Variants in SHC3 observed in about 807,000 individuals in gnomAD.
The protein encoded by SHC3 is SHC adaptor protein 3, also known as SHC-transforming protein 3.
A neutral mutation model predicts 60.4 loss-of-function variants in SHC3; 15 were observed. The ratio of observed to expected loss-of-function variants is 0.25; its 90% CI spans 0.17 to 0.38. The LOEUF is 0.38. Ranked by LOEUF, SHC3 falls within the 10% of genes least tolerant of loss-of-function variation. The pLI is 1.00. For missense variants in SHC3, 677 were observed against 786.1 expected (o/e 0.86, Z 1.66); for synonymous variants, 294 against 325.9 (o/e 0.90, Z 1.05).
chr9:89,037,366 G>T (rs1040787202), intron 11 of SHC3: 7 of 614,662 alleles, frequency 1.1e-5, no homozygotes, highest in South Asian at 2.1e-5. Flanking sequence ...TGGTTAGGTT[G>T]ATTTAACTGC....
chr9:89,060,951 A>C (rs974704245), intron 6 of SHC3, among the ~76,000 whole-genome samples: 2 of 152,112 alleles, frequency 1.3e-5, no homozygotes, highest in African/African-American at 4.8e-5. Context: ...TCAGGAGGAA[A>C]GTGCTGGACC....
chr9:89,165,319 A>T (rs928531704), intron 1 of SHC3, among the ~76,000 whole-genome samples: 1 of 151,878 alleles, frequency 6.6e-6, no homozygotes, highest in Non-Finnish European at 1.5e-5. Flanking sequence ...GTAGCAGATC[A>T]TTTTTGGGGA....
At chr9:89,070,174 G>C (rs1055351067) in intron 5 of SHC3, among the ~76,000 whole-genome samples, 1 of 152,120 alleles carries the variant, frequency 6.6e-6, no homozygotes, top group Admixed American at 6.5e-5. Context: ...ATAAAAGATG[G>C]CTTCTTAGGA....
chr9:89,138,704 C>G (rs1455786628), intron 1 of SHC3, among the ~76,000 whole-genome samples: 1 of 152,224 alleles, frequency 6.6e-6, no homozygotes, highest in Non-Finnish European at 1.5e-5. Context: ...TCAAATGTCT[C>G]TGACATTTCC....
At chr9:89,175,593 A>G (rs1474259296) in intron 1 of SHC3, among the ~76,000 whole-genome samples, 2 of 152,230 alleles carry the variant, frequency 1.3e-5, no homozygotes, top group Non-Finnish European at 2.9e-5. Context: ...GGGAAAATCT[A>G]TAATACAGTA....
At chr9:89,066,495 G>A (rs1035810889) in intron 5 of SHC3, among the ~76,000 whole-genome samples, 3 of 152,156 alleles carry the variant, frequency 2.0e-5, no homozygotes, top group African/African-American at 7.2e-5. Context: ...TAGGGAAAAT[G>A]ATGACCTCAA....
At chr9:89,135,572 T>C (rs1403983578) in intron 1 of SHC3, among the ~76,000 whole-genome samples, 1 of 152,154 alleles carries the variant, frequency 6.6e-6, no homozygotes, top group African/African-American at 2.4e-5. Context: ...CAGTCTGTTA[T>C]GATTTGTCTT....
At chr9:89,018,653 A>T (rs1479418774) in intron 11 of SHC3, among the ~76,000 whole-genome samples, 1 of 152,112 alleles carries the variant, frequency 6.6e-6, no homozygotes, top group Non-Finnish European at 1.5e-5. Context: ...TGTTATTTAA[A>T]AAAAACTCTT....
chr9:89,065,439 A>C, intron 6 of SHC3, 90 bp downstream of exon 6: 3 of 1,319,164 alleles, frequency 2.3e-6, no homozygotes, highest in Non-Finnish European at 3.3e-6. Context: ...ATTTGTTGGG[A>C]GGGGGCTGAG....
intron 2 of SHC3, among the ~76,000 whole-genome samples, chr9:89,080,434 T>G (rs1436504471): frequency 2.6e-5 from 4 of 152,200 alleles, no homozygotes; most frequent in African/African-American, 9.7e-5. Flanking sequence ...TTTCACCATC[T>G]TCCCTTCAGA....
At chr9:89,049,560 T>C (rs1438380145) in intron 7 of SHC3, among the ~76,000 whole-genome samples, 1 of 152,246 alleles carries the variant, frequency 6.6e-6, no homozygotes, top group Non-Finnish European at 1.5e-5. Context: ...TAATAATTAA[T>C]ATGAAATATA....
chr9:89,104,734 C>T (rs1825832262), intron 2 of SHC3, among the ~76,000 whole-genome samples: 1 of 152,192 alleles, frequency 6.6e-6, no homozygotes, highest in Non-Finnish European at 1.5e-5. Flanking sequence ...CCAAGCCCAT[C>T]CTTCCTCAGT....
At chr9:89,041,042 G>GT (rs1373307942) in intron 10 of SHC3, among the ~76,000 whole-genome samples, 12 of 152,152 alleles carry the variant, frequency 7.9e-5, no homozygotes, top group Admixed American at 5.9e-4. Flanking sequence ...AGTAGTTATC[G>GT]TAATACCTAC....
At chr9:89,098,481 G>C (rs12348140) in intron 2 of SHC3, among the ~76,000 whole-genome samples, 2 of 152,294 alleles carry the variant, frequency 1.3e-5, no homozygotes, top group South Asian at 4.1e-4. Flanking sequence ...GTGTTGAAGA[G>C]GTATGATGTT....
At chr9:89,174,172 G>T (rs1826909511) in intron 1 of SHC3, among the ~76,000 whole-genome samples, 1 of 152,054 alleles carries the variant, frequency 6.6e-6, no homozygotes, top group South Asian at 2.1e-4. Context: ...ATAAATTTTT[G>T]AGTAAATGTA....
intron 1 of SHC3, among the ~76,000 whole-genome samples, chr9:89,164,797 T>TAAAA (rs1826762028): frequency 6.6e-6 from 1 of 152,146 alleles, no homozygotes; most frequent in African/African-American, 2.4e-5. Flanking sequence ...TGTAAAAATG[T>TAAAA]ATATAATAGT....
chr9:89,128,672 C>T (rs1328903102), intron 1 of SHC3, among the ~76,000 whole-genome samples: 1 of 152,180 alleles, frequency 6.6e-6, no homozygotes, highest in East Asian at 1.9e-4. Context: ...CTCCAACAGA[C>T]CTACAGCTGA....
At chr9:89,058,871 T>C (rs1392651923) in intron 6 of SHC3, among the ~76,000 whole-genome samples, 1 of 120,816 alleles carries the variant, frequency 8.3e-6, no homozygotes, top group Non-Finnish European at 1.7e-5. Context: ...GTGGAGGACG[T>C]GGTGGAAGAC....
At chr9:89,064,042 T>A (rs1343873112) in intron 6 of SHC3, among the ~76,000 whole-genome samples, 1 of 152,216 alleles carries the variant, frequency 6.6e-6, no homozygotes, top group Admixed American at 6.5e-5. Context: ...GCTTTCTTGC[T>A]GTGTCCTCAC....
Sources: allele counts gnomAD v4.1 joint callset (sites outside exome capture counted in the v4.1 genomes callset), GRCh38; gene constraint gnomAD v4.1.1; transcripts MANE v1.5; gene names NCBI Gene and HGNC (gene_info 2026-07-23, HGNC 2026-07-21).